The following FAXC variants were observed in gnomAD, a reference collection of about 807,000 sequenced individuals.
FAXC encodes failed axon connections homolog.
Under a neutral mutation model 41.9 loss-of-function variants are expected in FAXC, and 10 were observed. The ratio of observed to expected loss-of-function variants is 0.24; its 90% CI spans 0.15 to 0.41. FAXC has a LOEUF of 0.41. FAXC is among the 10% of genes least tolerant of loss of function. The probability of loss-of-function intolerance (pLI) is 1.00; values close to 1 mark genes in which losing one functional copy is unlikely to be tolerated. For missense variants in FAXC, 399 were observed against 510.9 expected (o/e 0.78, Z 2.11); for synonymous variants, 183 against 183.8 (o/e 1.00, Z 0.03).
At chr6:99,311,840 CCTCT>C (rs1245387525) in intron 4 of FAXC, among the ~76,000 whole-genome samples, 1 of 152,152 alleles carries the variant, frequency 6.6e-6, no homozygotes, top group Non-Finnish European at 1.5e-5. Flanking sequence ...ATCTCACCTT[CCTCT>C]CTGTCTCTTC....
At chr6:99,335,250 A>G (rs9321484) in intron 2 of FAXC, among the ~76,000 whole-genome samples, 1 of 152,210 alleles carries the variant, frequency 6.6e-6, no homozygotes, top group African/African-American at 2.4e-5. Flanking sequence ...AATTGTAGAA[A>G]GTAAAAAATT....
rs1017765988 is a variant in FAXC at position 99,271,867 on chromosome 6, T to G, written c.*9297A>C. The G allele has an allele frequency of 6.6e-6, 1 of 152,212 alleles. No individual in the cohort carries two copies. Among genetic ancestry groups the G allele is most frequent in the African/African-American group, 2.4e-5 (1 of 41,468 alleles). The allele number at this position is 152,212 out of a possible 1,614,324, so 9.4% of individuals were successfully genotyped here. A position where few individuals can be genotyped will look rare whatever the true frequency, so the allele number is the denominator to read the frequency against. ...ATTTGACCAAAGATTTGGTCAAATTTTAAGATAGAATTTGAAACATCCTGC... is the reference window on the plus strand; with the variant it reads ...ATTTGACCAAAGATTTGGTCAAATTGTAAGATAGAATTTGAAACATCCTGC... On this transcript the variant is annotated 3_prime_UTR_variant, in exon 6 of 6. Coordinates refer to ENST00000389677, the MANE Select transcript of FAXC (RefSeq NM_032511.4).
chr6:99,282,072 G>A (rs912108915), intron 5 of FAXC, among the ~76,000 whole-genome samples: 3 of 152,192 alleles, frequency 2.0e-5, no homozygotes, highest in Non-Finnish European at 4.4e-5. Flanking sequence ...AAATGAAGAA[G>A]TGAGTCCGAT....
At chr6:99,291,679 A>T in intron 5 of FAXC, 25 bp downstream of exon 5, 1 of 1,578,126 alleles carries the variant, frequency 6.3e-7, no homozygotes, top group Non-Finnish European at 8.7e-7. Flanking sequence ...AAGCCCCAAA[A>T]CCTGAAGAAG....
chr6:99,302,318 G>C (rs1015447199), intron 4 of FAXC, among the ~76,000 whole-genome samples: 34 of 152,170 alleles, frequency 2.2e-4, no homozygotes, highest in African/African-American at 8.0e-4. Context: ...TTTTGTTATT[G>C]AATGTTGGGT....
Position 99,277,761 on chromosome 6 carries a change from G to A in FAXC, c.*3403C>T, listed in dbSNP as rs1220113730. ...TGGTATAATGGAAAGAACCATCAAG[G>A]GCAAGGTGGTATAATAGAAAGAAAC... On this transcript the variant is annotated 3_prime_UTR_variant, in exon 6 of 6. Coordinates refer to ENST00000389677, the MANE Select transcript of FAXC (RefSeq NM_032511.4). 2 of 152,122 alleles carry A rather than the reference G, an allele frequency of 1.3e-5. No individual in the cohort carries two copies. Among genetic ancestry groups the A allele is most frequent in the Non-Finnish European group, 2.9e-5 (2 of 68,028 alleles). 9.4% of individuals were successfully genotyped at this position (152,122 alleles called of 1,614,324 possible).
chr6:99,330,169 A>G (rs1184568036), intron 3 of FAXC, among the ~76,000 whole-genome samples: 5 of 152,178 alleles, frequency 3.3e-5, no homozygotes, highest in South Asian at 2.1e-4. Context: ...CCTAATGCCT[A>G]TATTTTTATG....
At chr6:99,344,308 T>C in intron 1 of FAXC, among the ~76,000 whole-genome samples, 1 of 152,148 alleles carries the variant, frequency 6.6e-6, no homozygotes, top group East Asian at 1.9e-4. Flanking sequence ...CCTTTTGCAA[T>C]TTCCATCTTC....
At chr6:99,299,835 C>T (rs1771635903) in intron 4 of FAXC, among the ~76,000 whole-genome samples, 1 of 152,074 alleles carries the variant, frequency 6.6e-6, no homozygotes, top group South Asian at 2.1e-4. Flanking sequence ...TTCACAAAGC[C>T]CTTGTTTTCA....
At chr6:99,293,847 A>C (rs1453183599) in intron 4 of FAXC, among the ~76,000 whole-genome samples, 1 of 152,008 alleles carries the variant, frequency 6.6e-6, no homozygotes, top group Non-Finnish European at 1.5e-5. Flanking sequence ...CTGGTTCTAC[A>C]TGCTGTACTC....
chr6:99,308,350 G>T (rs1772012479), intron 4 of FAXC, among the ~76,000 whole-genome samples: 1 of 152,200 alleles, frequency 6.6e-6, no homozygotes, highest in Non-Finnish European at 1.5e-5. Context: ...CAGAAAATCA[G>T]TTTACAATGA....
At chr6:99,342,464 C>T (rs986709121) in intron 2 of FAXC, among the ~76,000 whole-genome samples, 26 of 152,052 alleles carry the variant, frequency 1.7e-4, no homozygotes, top group African/African-American at 6.3e-4. Flanking sequence ...CCTGCCTCAG[C>T]CTCCCAGGTA....
intron 4 of FAXC, among the ~76,000 whole-genome samples, chr6:99,306,229 G>A (rs1771915743): frequency 6.6e-6 from 1 of 152,206 alleles, no homozygotes; most frequent in Non-Finnish European, 1.5e-5. Context: ...GAGGCAGAGA[G>A]AACCGTGTGG....
At chr6:99,324,026 C>T (rs1413330342) in intron 3 of FAXC, among the ~76,000 whole-genome samples, 1 of 152,082 alleles carries the variant, frequency 6.6e-6, no homozygotes, top group African/African-American at 2.4e-5. Flanking sequence ...GAAGAGTGAG[C>T]ACCCATGGGG....
In FAXC at chr6:99,348,741, T is replaced by C. The variant is rs185791985; in HGVS notation, c.266+366A>G. 7.9e-4 allele frequency among the ~76,000 whole-genome samples: 121 copies of C among 152,324 alleles called. 1 individual carries two copies. Among genetic ancestry groups the C allele is most frequent in the Middle Eastern group, 6.8e-3 (2 of 294 alleles). ...AGGTTAGCAGTTAATATTCCAGCAT[T>C]ATTACTTATAAACAAGGCATTTCAT... On this transcript the variant is annotated intron_variant, in intron 1 of 5. Coordinates refer to ENST00000389677, the MANE Select transcript of FAXC (RefSeq NM_032511.4).
At chr6:99,337,784 C>T (rs752440608) in intron 2 of FAXC, among the ~76,000 whole-genome samples, 34 of 152,160 alleles carry the variant, frequency 2.2e-4, no homozygotes, top group Non-Finnish European at 4.9e-4. Context: ...GTGTTCAATA[C>T]ATTGAGCTTT....
At chr6:99,331,688 T>C (rs1233831717) in intron 3 of FAXC, among the ~76,000 whole-genome samples, 4 of 152,192 alleles carry the variant, frequency 2.6e-5, no homozygotes. Context: ...GCTCTGGCAA[T>C]CAATGGGCCC....
rs1178678986 is a variant in FAXC, at chr6:99,271,521, T to G, written c.*9643A>C. 1 of 152,254 alleles carries G rather than the reference T, an allele frequency of 6.6e-6. No homozygotes were observed. The highest frequency in any genetic ancestry group is 1.5e-5 in the Non-Finnish European group (1 of 68,064). 9.4% of individuals were successfully genotyped at this position (152,254 alleles called of 1,614,324 possible). A position where few individuals can be genotyped will look rare whatever the true frequency, so the allele number is the denominator to read the frequency against. ...AAACGCTCCAAAATCCAAAACTTTT[T>G]GAGCACTAACATGACACTCAAAGGA... On this transcript the variant is annotated 3_prime_UTR_variant, in exon 6 of 6. Transcript: ENST00000389677.
intron 5 of FAXC, 128 bp from the exon 6 acceptor site, chr6:99,281,581 G>A (rs1166255039): frequency 3.9e-6 from 3 of 772,170 alleles, no homozygotes; most frequent in Non-Finnish European, 6.3e-6. Context: ...AAGGAGGTGG[G>A]GCCTTTAAGA....
Sources: gnomAD v4.1 joint callset for allele counts (sites outside exome capture counted in the v4.1 genomes callset) on GRCh38, gnomAD v4.1.1 for gene constraint, MANE v1.5 for transcripts, NCBI Gene and HGNC (gene_info 2026-07-23, HGNC 2026-07-21) for gene names.